The following SPRED1 variants were observed in gnomAD, a reference collection of about 807,000 sequenced individuals.
SPRED1 encodes sprouty-related, EVH1 domain-containing protein 1.
A neutral mutation model predicts 52.3 loss-of-function variants in SPRED1; 18 were observed. The ratio of observed to expected loss-of-function variants is 0.34; its 90% CI spans 0.24 to 0.51. The LOEUF is 0.51. Among genes scored for constraint, SPRED1 ranks in the 20% least tolerant of loss-of-function variants. SPRED1 has a pLI of 0.97. For synonymous variants in SPRED1, 155 were observed against 179.7 expected (o/e 0.86, Z 1.10); for missense variants, 485 against 551.0 (o/e 0.88, Z 1.20).
chr15:38,291,879 C>T (rs1169486408), intron 1 of SPRED1, among the ~76,000 whole-genome samples: 1 of 152,198 alleles, frequency 6.6e-6, no homozygotes, highest in Non-Finnish European at 1.5e-5. Flanking sequence ...GATGTTTTCT[C>T]CATGGTCTTG....
At chr15:38,316,427 A>G (rs1382905156) in intron 2 of SPRED1, among the ~76,000 whole-genome samples, 2 of 152,076 alleles carry the variant, frequency 1.3e-5, no homozygotes, top group African/African-American at 2.4e-5. Flanking sequence ...TTCTTAAAAT[A>G]TCTGTGGTTC....
At chr15:38,274,489 A>G (rs931280606) in intron 1 of SPRED1, among the ~76,000 whole-genome samples, 1 of 152,234 alleles carries the variant, frequency 6.6e-6, no homozygotes, top group African/African-American at 2.4e-5. Context: ...CTCACTTTGA[A>G]ATAATTTTAG....
chr15:38,330,228 T>C (rs114249985), intron 4 of SPRED1, among the ~76,000 whole-genome samples: 6,302 of 152,234 alleles, frequency 0.041, 438 homozygotes, highest in African/African-American at 0.14. Flanking sequence ...GGACTTGTTT[T>C]CCTTTACCAC....
At chr15:38,297,492 A>T (rs1895063660) in intron 1 of SPRED1, among the ~76,000 whole-genome samples, 1 of 152,176 alleles carries the variant, frequency 6.6e-6, no homozygotes, top group Admixed American at 6.6e-5. Context: ...ACTTCCTCTG[A>T]CTGTTTCTCT....
intron 5 of SPRED1, among the ~76,000 whole-genome samples, chr15:38,340,326 CTGTT>C (rs1218730351): frequency 6.6e-6 from 1 of 151,844 alleles, no homozygotes; most frequent in Non-Finnish European, 1.5e-5. Flanking sequence ...TTCCCTTATT[CTGTT>C]TGTTAAATTG....
intron 1 of SPRED1, among the ~76,000 whole-genome samples, chr15:38,270,381 TA>T (rs1207564241): frequency 2.0e-5 from 3 of 152,246 alleles, no homozygotes; most frequent in Non-Finnish European, 4.4e-5. Context: ...AAGATAATTT[TA>T]GTTGTTTCAC....
At position 38,352,876 on chromosome 15, in the gene SPRED1, G is replaced by A. The variant is rs912731369; in HGVS notation, c.*1212G>A. Reference sequence around the variant, plus strand: ...TAAAATGTGTGCTAAACTATCCCAGGAAAGTATTTAATCCAACATTGTAAA... The same window carrying A: ...TAAAATGTGTGCTAAACTATCCCAGAAAAGTATTTAATCCAACATTGTAAA... On this transcript the variant is annotated 3_prime_UTR_variant, in exon 7 of 7. Transcript: ENST00000299084. The A allele has an allele frequency of 6.6e-6, 1 of 152,042 alleles. No individual in the cohort carries two copies. Among genetic ancestry groups the A allele is most frequent in the Non-Finnish European group, 1.5e-5 (1 of 67,944 alleles). The allele number at this position is 152,042 out of a possible 1,614,324, so 9.4% of individuals were successfully genotyped here.
In SPRED1 at chr15:38,299,562, A is replaced by T; in HGVS notation, c.207+15A>T. The T allele has an allele frequency of 6.2e-7, 1 of 1,609,074 alleles. No individual in the cohort carries two copies. The highest frequency in any genetic ancestry group is 8.5e-7 in the Non-Finnish European group (1 of 1,175,818). On this transcript the variant is annotated intron_variant, in intron 2 of 6. Transcript: ENST00000299084. The stretch of plus-strand genomic sequence containing the variant: ...GGGACAAAATGGTAATGAATAATGT[A>T]TCTAATACTATAATTTTAGATAATG...
intron 1 of SPRED1, among the ~76,000 whole-genome samples, chr15:38,278,105 G>A (rs1026343265): frequency 2.6e-5 from 4 of 152,150 alleles, no homozygotes; most frequent in Non-Finnish European, 4.4e-5. Context: ...AACTATTTGT[G>A]TGTGTGTTTA....
At chr15:38,333,584 TAGC>T (rs1177213001) in intron 4 of SPRED1, among the ~76,000 whole-genome samples, 6 of 152,150 alleles carry the variant, frequency 3.9e-5, no homozygotes, top group Non-Finnish European at 8.8e-5. Context: ...AGAAATTAAA[TAGC>T]AGAAATACAT....
At chr15:38,349,730 T>C (rs993934633) in intron 6 of SPRED1, among the ~76,000 whole-genome samples, 33 of 152,210 alleles carry the variant, frequency 2.2e-4, no homozygotes, top group African/African-American at 2.7e-4. Flanking sequence ...GAGCTGCATT[T>C]ATTAGATAGG....
At chr15:38,306,413 A>T (rs1895250589) in intron 2 of SPRED1, among the ~76,000 whole-genome samples, 1 of 152,192 alleles carries the variant, frequency 6.6e-6, no homozygotes. Flanking sequence ...TAGATGGAAA[A>T]ATAGGAAAAC....
rs181808805 is a variant in SPRED1, at chr15:38,261,257, C to T, written c.32+8040C>T. 9.3e-4 allele frequency among the ~76,000 whole-genome samples: 141 copies of T among 152,214 alleles called. 5 individuals carry two copies. In the South Asian group the frequency reaches 0.028, roughly 30 times the overall value. On this transcript the variant is annotated intron_variant, in intron 1 of 6. Coordinates refer to ENST00000299084, the MANE Select transcript of SPRED1 (RefSeq NM_152594.3). ...GATTTTTAATTTTTCTGATTTAAAA[C>T]GAGGGTGTGGGATTTACTTAACTTT...
intron 4 of SPRED1, among the ~76,000 whole-genome samples, chr15:38,325,344 A>G (rs1895693325): frequency 1.3e-5 from 2 of 152,308 alleles, no homozygotes; most frequent in South Asian, 4.1e-4. Flanking sequence ...TATCCTTAAG[A>G]TGTCTTATTA....
At position 38,332,623 on chromosome 15, in the gene SPRED1, A is replaced by G. The variant is rs144178251; in HGVS notation, c.424-7114A>G. Among the ~76,000 whole-genome samples, 14 of 152,242 alleles carry G rather than the reference A, an allele frequency of 9.2e-5. No homozygotes were observed. In the East Asian group the frequency reaches 2.7e-3, roughly 29 times the overall value. ...TATTATGGCTTAAGGAGCTCTCTCT[A>G]TACACTTTTTTTCTAATGTATCACA... On this transcript the variant is annotated intron_variant, in intron 4 of 6. Transcript: ENST00000299084.
intron 4 of SPRED1, chr15:38,326,082 T>A (rs1328349920): frequency 1.3e-5 from 2 of 152,170 alleles, no homozygotes; most frequent in African/African-American, 4.8e-5. Context: ...CCGAAGAGAC[T>A]TACTGGAAGC....
chr15:38,288,309 A>G (rs1894850515), intron 1 of SPRED1, among the ~76,000 whole-genome samples: 1 of 152,204 alleles, frequency 6.6e-6, no homozygotes, highest in Non-Finnish European at 1.5e-5. Flanking sequence ...ATAGAGGTTC[A>G]TGAATATGAC....
intron 2 of SPRED1, among the ~76,000 whole-genome samples, chr15:38,312,331 T>G (rs909341327): frequency 4.6e-5 from 7 of 152,158 alleles, no homozygotes; most frequent in Non-Finnish European, 8.8e-5. Flanking sequence ...CTAAGCTTAT[T>G]TAGTTTTATT....
At chr15:38,256,824 T>C (rs772724137) in intron 1 of SPRED1, among the ~76,000 whole-genome samples, 54 of 88,202 alleles carry the variant, frequency 6.1e-4, no homozygotes, top group Admixed American at 9.2e-4. Context: ...CACACACACA[T>C]ATATATATAT....
Sources: gnomAD v4.1 joint callset for allele counts (sites outside exome capture counted in the v4.1 genomes callset) on GRCh38, gnomAD v4.1.1 for gene constraint, MANE v1.5 for transcripts, NCBI Gene and HGNC (gene_info 2026-07-23, HGNC 2026-07-21) for gene names.